PRKAR1A: variants seen among roughly 807,000 people sequenced by gnomAD.
The protein encoded by PRKAR1A is protein kinase cAMP-dependent type I regulatory subunit alpha, also known as cAMP-dependent protein kinase type I-alpha regulatory subunit.
PRKAR1A carries 3 observed loss-of-function variants against 52.0 expected under a neutral mutation model. The observed-to-expected ratio is 0.06, with a 90% CI of 0.03 to 0.15. The LOEUF is 0.15. PRKAR1A is among the 10% of genes least tolerant of loss of function. The pLI is 1.00. For synonymous variants in PRKAR1A, 188 were observed against 168.4 expected, an observed-to-expected ratio of 1.12 and a Z score of -0.90; for missense variants, 240 against 477.4, an observed-to-expected ratio of 0.50 and a Z score of 4.63.
chr17:68,486,878 AT>A, the PRKAR1A span, among the ~76,000 whole-genome samples: 50,045 of 148,074 alleles, frequency 0.34, 8,548 homozygotes, highest in Middle Eastern at 0.41. Flanking sequence ...TGTTGTGCGG[AT>A]TTTTTTTTTT....
At chr17:68,482,374 A>G in the PRKAR1A span, among the ~76,000 whole-genome samples, 1 of 152,238 alleles carries the variant, frequency 6.6e-6, no homozygotes, top group South Asian at 2.1e-4. Flanking sequence ...TTGCCCAATG[A>G]CACACAACTG....
At position 68,522,742 on chromosome 17, in the gene PRKAR1A, G is replaced by A. The variant is rs749669856; in HGVS notation, c.178-14G>A. Reference sequence around the variant, plus strand: ...CCGAAGGATCTCATTTTGCAAACTCGTAATTTCTTTCAGGAGGAGGCAAAA... The same window carrying A: ...CCGAAGGATCTCATTTTGCAAACTCATAATTTCTTTCAGGAGGAGGCAAAA... On this transcript the variant is annotated splice_polypyrimidine_tract_variant and intron_variant, in intron 2 of 10. Transcript: ENST00000589228. 21 of 1,613,778 alleles carry A rather than the reference G, an allele frequency of 1.3e-5. No homozygotes were observed. The highest frequency in any genetic ancestry group is 6.7e-5 in the Admixed American group (4 of 59,994).
upstream of PRKAR1A, among the ~76,000 whole-genome samples, chr17:68,509,605 A>G (rs530044809): frequency 2.6e-5 from 4 of 152,248 alleles, no homozygotes; most frequent in Non-Finnish European, 5.9e-5. Flanking sequence ...TACAGAAACT[A>G]CAGTGGAACA....
At chr17:68,428,098 A>C in the PRKAR1A span, 1 of 152,108 alleles carries the variant, frequency 6.6e-6, no homozygotes, top group Non-Finnish European at 1.5e-5. Context: ...GGGTTTCACC[A>C]TGTTTCTCAG....
At chr17:68,502,488 C>T in the PRKAR1A span, among the ~76,000 whole-genome samples, 10 of 152,212 alleles carry the variant, frequency 6.6e-5, no homozygotes, top group East Asian at 7.7e-4. Context: ...CAGTGGCTCA[C>T]GCCTGTAATC....
At chr17:68,419,563 C>T in the PRKAR1A span, among the ~76,000 whole-genome samples, 30 of 152,108 alleles carry the variant, frequency 2.0e-4, no homozygotes, top group African/African-American at 5.1e-4. Flanking sequence ...GGTGACAGAG[C>T]GAGACTCCAA....
chr17:68,459,119 A>G, the PRKAR1A span, among the ~76,000 whole-genome samples: 1 of 152,174 alleles, frequency 6.6e-6, no homozygotes, highest in Non-Finnish European at 1.5e-5. Context: ...CAGCTCATAG[A>G]TTCACAGATG....
chr17:68,513,052 T>G (rs2085315331), intron 1 of PRKAR1A: 1 of 152,162 alleles, frequency 6.6e-6, no homozygotes, highest in African/African-American at 2.4e-5. Flanking sequence ...GGAGTGATCT[T>G]TCCCCCAACA....
chr17:68,477,954 C>T, the PRKAR1A span, among the ~76,000 whole-genome samples: 1 of 152,116 alleles, frequency 6.6e-6, no homozygotes, highest in African/African-American at 2.4e-5. Context: ...AACTCCTGAA[C>T]TCAGGTGATC....
upstream of PRKAR1A, among the ~76,000 whole-genome samples, chr17:68,511,536 T>C (rs1201191089): frequency 6.6e-6 from 1 of 152,168 alleles, no homozygotes; most frequent in Non-Finnish European, 1.5e-5. Context: ...CTCTGTGAGG[T>C]CAGGAGTGAT....
the PRKAR1A span, among the ~76,000 whole-genome samples, chr17:68,459,149 T>G: frequency 6.6e-6 from 1 of 152,234 alleles, no homozygotes; most frequent in Admixed American, 6.5e-5. Flanking sequence ...TTTGGCTGAT[T>G]GTGAGGTGTT....
At chr17:68,416,946 T>C in the PRKAR1A span, among the ~76,000 whole-genome samples, 4 of 152,364 alleles carry the variant, frequency 2.6e-5, no homozygotes, top group African/African-American at 7.2e-5. Context: ...GCTTAATAAC[T>C]AACCTCCTGA....
At chr17:68,526,926 CAAAA>C (rs1033967532) in intron 7 of PRKAR1A, among the ~76,000 whole-genome samples, 2 of 151,964 alleles carry the variant, frequency 1.3e-5, no homozygotes, top group Non-Finnish European at 2.9e-5. Flanking sequence ...CCCACACACA[CAAAA>C]AAACGCTTAT....
At chr17:68,429,088 C>T in the PRKAR1A span, 1 of 619,676 alleles carries the variant, frequency 1.6e-6, no homozygotes, top group African/African-American at 1.8e-5. Flanking sequence ...TCTGGCTATT[C>T]CTTTGCATTC....
chr17:68,527,193 T>C (rs1045973473), intron 7 of PRKAR1A, among the ~76,000 whole-genome samples: 1 of 152,212 alleles, frequency 6.6e-6, no homozygotes, highest in African/African-American at 2.4e-5. Flanking sequence ...CTCACAATGC[T>C]TTGGCTTTGT....
the PRKAR1A span, chr17:68,425,944 A>G: frequency 1.4e-6 from 1 of 715,000 alleles, no homozygotes; most frequent in East Asian, 2.7e-5. Flanking sequence ...ATGGCTTTCC[A>G]AATACTAGAG....
the PRKAR1A span, chr17:68,428,228 GT>G: frequency 2.0e-3 from 276 of 135,810 alleles, no homozygotes; most frequent in Non-Finnish European, 2.2e-3. Context: ...CAGGGAATAG[GT>G]TTTTTTTTTT....
In PRKAR1A at chr17:68,528,256, A is replaced by G. The variant is rs187846823; in HGVS notation, c.769+356A>G. Among the ~76,000 whole-genome samples the G allele has an allele frequency of 2.0e-3, 312 of 152,288 alleles. 2 individuals are homozygous for G. Among genetic ancestry groups the G allele is most frequent in the Non-Finnish European group, 3.4e-3 (234 of 68,024 alleles). On this transcript the variant is annotated intron_variant, in intron 8 of 10. Coordinates refer to ENST00000589228, the MANE Select transcript of PRKAR1A (RefSeq NM_002734.5). ...AAGATATTCTTTTGTGCATTTTGTTATGTGGACTTGGAGATGTTAGAACTT... is the reference window on the plus strand; with the variant it reads ...AAGATATTCTTTTGTGCATTTTGTTGTGTGGACTTGGAGATGTTAGAACTT...
chr17:68,478,608 ATG>A, the PRKAR1A span, among the ~76,000 whole-genome samples: 118 of 150,966 alleles, frequency 7.8e-4, no homozygotes, highest in African/African-American at 2.6e-3. Flanking sequence ...ATTTAGAAAT[ATG>A]TGTGTGTGTG....
Sources: allele counts gnomAD v4.1 joint callset (sites outside exome capture counted in the v4.1 genomes callset), GRCh38; gene constraint gnomAD v4.1.1; transcripts MANE v1.5; gene names NCBI Gene and HGNC (gene_info 2026-07-23, HGNC 2026-07-21).